Variants in SUPT3H observed in about 807,000 individuals in gnomAD.
SUPT3H encodes the protein SPT3 homolog, SAGA and STAGA complex component.
In SUPT3H, 44 loss-of-function variants were observed where a neutral mutation model predicts 44.3. The ratio of observed to expected loss-of-function variants is 0.99; its 90% CI spans 0.78 to 1.28. The LOEUF (loss-of-function observed/expected upper bound fraction) is 1.28. SUPT3H is among the 50% of genes most tolerant of loss of function. The probability of loss-of-function intolerance (pLI) is 0.00; values close to 1 mark genes in which losing one functional copy is unlikely to be tolerated. For synonymous variants in SUPT3H, 124 were observed against 125.6 expected, an observed-to-expected ratio of 0.99 and a Z score of 0.09; for missense variants, 380 against 387.1, an observed-to-expected ratio of 0.98 and a Z score of 0.15.
chr6:44,976,448 G>T (rs1206905113), intron 6 of SUPT3H, among the ~76,000 whole-genome samples: 2 of 151,342 alleles, frequency 1.3e-5, no homozygotes, highest in African/African-American at 4.9e-5. Flanking sequence ...TGCAATCTCT[G>T]CCTCCAGGGC....
intron 6 of SUPT3H, among the ~76,000 whole-genome samples, chr6:44,986,278 A>G (rs1458620164): frequency 6.6e-6 from 1 of 152,196 alleles, no homozygotes; most frequent in East Asian, 1.9e-4. Context: ...CTGTGACCCT[A>G]GACAAGTTAC....
intron 2 of SUPT3H, among the ~76,000 whole-genome samples, chr6:45,128,692 CTT>C (rs200994462): frequency 2.1e-5 from 3 of 141,126 alleles, no homozygotes; most frequent in Non-Finnish European, 3.1e-5. Flanking sequence ...TTAAAAGATT[CTT>C]TTTTTTTTTG....
At chr6:44,994,431 ATG>A (rs1278240817) in intron 6 of SUPT3H, among the ~76,000 whole-genome samples, 1 of 152,146 alleles carries the variant, frequency 6.6e-6, no homozygotes, top group African/African-American at 2.4e-5. Context: ...CACTGCCGTA[ATG>A]TTAAAGACCT....
intron 3 of SUPT3H, among the ~76,000 whole-genome samples, chr6:45,099,921 A>G (rs1342701722): frequency 6.6e-6 from 1 of 152,178 alleles, no homozygotes; most frequent in Non-Finnish European, 1.5e-5. Context: ...TTGTGTGGCT[A>G]AAGGCTTAGC....
intron 10 of SUPT3H, among the ~76,000 whole-genome samples, chr6:44,844,761 T>A (rs1274669319): frequency 6.6e-6 from 1 of 152,188 alleles, no homozygotes. Flanking sequence ...CTGACTATAA[T>A]GAGATGTCAG....
intron 1 of SUPT3H, chr6:45,372,069 T>C: frequency 1.1e-6 from 1 of 948,022 alleles, no homozygotes; most frequent in Non-Finnish European, 1.3e-6. Context: ...CTCCACAATG[T>C]GTATGTCACA....
At chr6:44,971,672 A>G (rs1197053581) in intron 6 of SUPT3H, among the ~76,000 whole-genome samples, 1 of 152,220 alleles carries the variant, frequency 6.6e-6, no homozygotes, top group East Asian at 1.9e-4. Flanking sequence ...GAGTGGGGAC[A>G]CAGCCAAACC....
At chr6:44,838,291 G>T (rs1313131262) in intron 10 of SUPT3H, among the ~76,000 whole-genome samples, 4 of 152,158 alleles carry the variant, frequency 2.6e-5, no homozygotes, top group Non-Finnish European at 5.9e-5. Flanking sequence ...AGGTACAGTG[G>T]GTACAGCAGG....
In SUPT3H at chr6:45,015,950, G is replaced by A. The variant is rs1184104750; in HGVS notation, c.274-1059C>T. Among the ~76,000 whole-genome samples, 3 of 151,660 alleles carry A rather than the reference G, an allele frequency of 2.0e-5. No individual in the cohort carries two copies. In the East Asian group the frequency reaches 5.8e-4, roughly 29 times the overall value. On this transcript the variant is annotated intron_variant, in intron 4 of 10. Transcript: ENST00000371459. ...CTCCCTTGATAACTGCTTTTTTATTGGTATATCTCATGAAGGAACAACCTC... is the reference window on the plus strand; with the variant it reads ...CTCCCTTGATAACTGCTTTTTTATTAGTATATCTCATGAAGGAACAACCTC...
At chr6:45,108,069 A>C (rs1057445979) in intron 2 of SUPT3H, among the ~76,000 whole-genome samples, 2 of 152,254 alleles carry the variant, frequency 1.3e-5, no homozygotes, top group African/African-American at 4.8e-5. Context: ...ATCCAACTTA[A>C]TGGTGAAACA....
chr6:45,163,453 A>G (rs2153602265), intron 2 of SUPT3H, among the ~76,000 whole-genome samples: 1 of 152,326 alleles, frequency 6.6e-6, no homozygotes, highest in Admixed American at 6.5e-5. Context: ...AACTGCCAGT[A>G]AATACATTAA....
At chr6:44,890,773 A>AAT (rs34596153) in intron 10 of SUPT3H, among the ~76,000 whole-genome samples, 43 of 150,434 alleles carry the variant, frequency 2.9e-4, no homozygotes, top group East Asian at 4.0e-4. Flanking sequence ...ATAATAATAA[A>AAT]AAAAAAAGAA....
At chr6:45,374,601 CTTT>C (rs1024849936) in intron 1 of SUPT3H, among the ~76,000 whole-genome samples, 1 of 152,196 alleles carries the variant, frequency 6.6e-6, no homozygotes, top group African/African-American at 2.4e-5. Context: ...CAAAACCCTT[CTTT>C]AACATTCTAA....
At chr6:45,017,518 T>C (rs1784477524) in intron 4 of SUPT3H, among the ~76,000 whole-genome samples, 2 of 152,256 alleles carry the variant, frequency 1.3e-5, no homozygotes, top group Admixed American at 1.3e-4. Context: ...GAATTAATTT[T>C]TGTATAAGGA....
At chr6:45,358,684 T>C (rs1273839609) in intron 2 of SUPT3H, among the ~76,000 whole-genome samples, 1 of 152,198 alleles carries the variant, frequency 6.6e-6, no homozygotes, top group African/African-American at 2.4e-5. Context: ...AGGTTCACAG[T>C]CTCTTATCTG....
At chr6:45,097,004 G>A (rs1797879271) in intron 3 of SUPT3H, among the ~76,000 whole-genome samples, 1 of 152,142 alleles carries the variant, frequency 6.6e-6, no homozygotes. Context: ...GTAGGACAAA[G>A]AGAGTGTAGT....
intron 2 of SUPT3H, among the ~76,000 whole-genome samples, chr6:45,277,560 G>A (rs1165682827): frequency 6.6e-6 from 1 of 152,142 alleles, no homozygotes; most frequent in African/African-American, 2.4e-5. Context: ...ATATGGTGAA[G>A]CAACAGGCAG....
chr6:45,233,310 G>A (rs1768428257), intron 2 of SUPT3H, among the ~76,000 whole-genome samples: 2 of 152,132 alleles, frequency 1.3e-5, no homozygotes, highest in Admixed American at 6.5e-5. Flanking sequence ...TGGAAATATG[G>A]GAGCTGTGGT....
At chr6:44,942,999 CAAAATTACCAGACA>C (rs573621579) in intron 9 of SUPT3H, among the ~76,000 whole-genome samples, 2 of 152,176 alleles carry the variant, frequency 1.3e-5, no homozygotes, top group South Asian at 4.2e-4. Flanking sequence ...CTTTACAATT[CAAAATTACCAGACA>C]TGCAAAACAC....
Sources: allele counts gnomAD v4.1 joint callset (sites outside exome capture counted in the v4.1 genomes callset), GRCh38; gene constraint gnomAD v4.1.1; transcripts MANE v1.5; gene names NCBI Gene and HGNC (gene_info 2026-07-23, HGNC 2026-07-21).